The following FHIT variants were observed in gnomAD, a reference collection of about 807,000 sequenced individuals.
The protein encoded by FHIT is fragile histidine triad diadenosine triphosphatase, also known as bis(5'-adenosyl)-triphosphatase.
Under a neutral mutation model 17.9 loss-of-function variants are expected in FHIT, and 19 were observed. The ratio of observed to expected loss-of-function variants is 1.06; its 90% CI spans 0.74 to 1.56. The LOEUF is 1.56. Ranked by LOEUF, FHIT falls within the 40% of genes most tolerant of loss-of-function variation. The pLI is 0.00. For synonymous variants in FHIT, 81 were observed against 69.7 expected (o/e 1.16, Z -0.81); for missense variants, 248 against 189.2 (o/e 1.31, Z -1.82).
In FHIT at chr3:60,968,412, T is replaced by C. The variant is rs546056965; in HGVS notation, c.-111+73635A>G. On this transcript the variant is annotated intron_variant, in intron 3 of 9. Transcript: ENST00000492590. ...ATTTCAAATTAAGTATGAAGTCTGC[T>C]GTAGGACTTTTTTTTTTTTTTTCGA... Among the ~76,000 whole-genome samples, 6 of 139,582 alleles carry C rather than the reference T, an allele frequency of 4.3e-5. No individual in the cohort carries two copies. In the East Asian group the frequency reaches 1.2e-3, roughly 28 times the overall value. The allele number at this position is 139,582 out of a possible 152,430, so 91.6% of individuals were successfully genotyped here.
intron 5 of FHIT, among the ~76,000 whole-genome samples, chr3:60,395,111 T>G (rs1183264462): frequency 6.6e-6 from 1 of 152,182 alleles, no homozygotes; most frequent in East Asian, 1.9e-4. Context: ...TCAGAAGTAG[T>G]TGAAACGGCA....
intron 5 of FHIT, among the ~76,000 whole-genome samples, chr3:60,026,415 C>T (rs1700742767): frequency 6.6e-6 from 1 of 152,034 alleles, no homozygotes; most frequent in African/African-American, 2.4e-5. Flanking sequence ...GTCTCACTAG[C>T]ACCAGTGTTA....
At chr3:60,230,687 G>T (rs1345275514) in intron 5 of FHIT, among the ~76,000 whole-genome samples, 2 of 152,112 alleles carry the variant, frequency 1.3e-5, no homozygotes, top group African/African-American at 4.8e-5. Context: ...TTTGTCCAAA[G>T]AATTCTCAAA....
At chr3:60,256,992 T>C in intron 5 of FHIT, among the ~76,000 whole-genome samples, 1 of 152,312 alleles carries the variant, frequency 6.6e-6, no homozygotes, top group African/African-American at 2.4e-5. Flanking sequence ...TATTAAGACA[T>C]GCAAATTATT....
chr3:60,346,940 TC>T (rs1202155171), intron 5 of FHIT, among the ~76,000 whole-genome samples: 10 of 152,328 alleles, frequency 6.6e-5, no homozygotes, highest in Admixed American at 6.5e-4. Context: ...TTCCTGTAGA[TC>T]ATATGGACAC....
intron 5 of FHIT, among the ~76,000 whole-genome samples, chr3:60,530,571 C>T (rs925229435): frequency 1.3e-5 from 2 of 152,160 alleles, no homozygotes; most frequent in Non-Finnish European, 2.9e-5. Flanking sequence ...GGAGGGCTTC[C>T]CCTTCCCCTC....
At chr3:59,998,642 G>A (rs1356978760) in intron 7 of FHIT, among the ~76,000 whole-genome samples, 1 of 152,076 alleles carries the variant, frequency 6.6e-6, no homozygotes, top group East Asian at 1.9e-4. Context: ...GTGGTTCTCT[G>A]GAAAGAGCCA....
intron 5 of FHIT, among the ~76,000 whole-genome samples, chr3:60,147,482 G>A (rs945368265): frequency 1.4e-4 from 22 of 152,094 alleles, no homozygotes; most frequent in Non-Finnish European, 2.1e-4. Flanking sequence ...TCCCACCTCC[G>A]CCACCGTGGG....
chr3:60,014,567 G>T (rs1285461889), intron 5 of FHIT, among the ~76,000 whole-genome samples: 1 of 152,192 alleles, frequency 6.6e-6, no homozygotes, highest in Non-Finnish European at 1.5e-5. Flanking sequence ...TCTCTAGGTA[G>T]AACATGGGGA....
At chr3:61,124,527 A>G (rs887400993) in intron 2 of FHIT, among the ~76,000 whole-genome samples, 3 of 152,132 alleles carry the variant, frequency 2.0e-5, no homozygotes, top group African/African-American at 2.4e-5. Flanking sequence ...GGCTACCAAC[A>G]TGATATCACT....
Position 60,973,970 on chromosome 3 carries a change from G to C in FHIT, c.-111+68077C>G, listed in dbSNP as rs115536219. Reference sequence around the variant, plus strand: ...TGCATTCTGCTAAGTCAAATCACCTGTTTATTATCCAGGGTGATGAAAATC... The same window carrying C: ...TGCATTCTGCTAAGTCAAATCACCTCTTTATTATCCAGGGTGATGAAAATC... On this transcript the variant is annotated intron_variant, in intron 3 of 9. Transcript: ENST00000492590. Among the ~76,000 whole-genome samples the C allele has an allele frequency of 9.4e-3, 1,433 of 152,256 alleles. 8 individuals are homozygous for C. Among genetic ancestry groups the C allele is most frequent in the Admixed American group, 0.015 (229 of 15,292 alleles).
chr3:60,338,731 A>G (rs1006505753), intron 5 of FHIT, among the ~76,000 whole-genome samples: 3 of 152,336 alleles, frequency 2.0e-5, no homozygotes, highest in Admixed American at 6.5e-5. Flanking sequence ...ACAGAAGACC[A>G]TGGCACATAA....
At chr3:59,993,211 T>C (rs1429754447) in intron 7 of FHIT, among the ~76,000 whole-genome samples, 2 of 152,080 alleles carry the variant, frequency 1.3e-5, no homozygotes, top group Non-Finnish European at 2.9e-5. Flanking sequence ...TTACGACATG[T>C]TGCCTCCTAT....
At chr3:60,926,827 G>A (rs1324076873) in intron 3 of FHIT, among the ~76,000 whole-genome samples, 3 of 152,088 alleles carry the variant, frequency 2.0e-5, no homozygotes, top group Admixed American at 6.6e-5. Context: ...TAAAGAAGAA[G>A]AGAGAGAAGA....
intron 5 of FHIT, among the ~76,000 whole-genome samples, chr3:60,301,827 T>A (rs1443281448): frequency 6.6e-6 from 1 of 152,280 alleles, no homozygotes; most frequent in East Asian, 1.9e-4. Flanking sequence ...ATTACTCTTA[T>A]TTTTCTGTAA....
At chr3:61,123,013 A>G (rs1162807158) in intron 2 of FHIT, among the ~76,000 whole-genome samples, 1 of 152,224 alleles carries the variant, frequency 6.6e-6, no homozygotes, top group Admixed American at 6.5e-5. Flanking sequence ...GTATATACCC[A>G]AAGGATTATA....
intron 4 of FHIT, among the ~76,000 whole-genome samples, chr3:60,653,142 A>G (rs1056086727): frequency 6.6e-6 from 1 of 152,182 alleles, no homozygotes; most frequent in Admixed American, 6.5e-5. Flanking sequence ...AAAGTCTACC[A>G]CAGAAAAGAA....
chr3:60,276,585 G>A (rs1707148697), intron 5 of FHIT, among the ~76,000 whole-genome samples: 1 of 152,110 alleles, frequency 6.6e-6, no homozygotes, highest in Non-Finnish European at 1.5e-5. Flanking sequence ...TTAAACTTCT[G>A]TTTCAAAGGT....
intron 2 of FHIT, among the ~76,000 whole-genome samples, chr3:61,173,815 A>C (rs1550343): frequency 0.47 from 70,701 of 152,004 alleles, 17,312 homozygotes; most frequent in East Asian, 0.87. Context: ...TCTGAATATC[A>C]AATCTTCACT....
Sources: gnomAD v4.1 joint callset for allele counts (sites outside exome capture counted in the v4.1 genomes callset) on GRCh38, gnomAD v4.1.1 for gene constraint, MANE v1.5 for transcripts, NCBI Gene and HGNC (gene_info 2026-07-23, HGNC 2026-07-21) for gene names.